ARHGEF1: variants seen among roughly 807,000 people sequenced by gnomAD.
The protein encoded by ARHGEF1 is 115 kDa guanine nucleotide exchange factor.
In ARHGEF1, 40 loss-of-function variants were observed where a neutral mutation model predicts 119.7. That is an observed-to-expected ratio of 0.33 (90% CI 0.26 to 0.44). ARHGEF1 has a LOEUF of 0.44. ARHGEF1 is among the 20% of genes least tolerant of loss of function. ARHGEF1 has a pLI of 1.00. For synonymous variants in ARHGEF1, 494 were observed against 521.0 expected (o/e 0.95, Z 0.71); for missense variants, 976 against 1,268.3 (o/e 0.77, Z 3.50).
At chr19:41,891,275 T>G (rs1335163059) in intron 4 of ARHGEF1, among the ~76,000 whole-genome samples, 1 of 152,102 alleles carries the variant, frequency 6.6e-6, no homozygotes, top group African/African-American at 2.4e-5. Context: ...TATGTGATTT[T>G]GGGTTTTATT....
rs1220638738 is a variant in ARHGEF1 at position 41,916,770 on chromosome 19, A to G, written c.1866-6322A>G. 6.6e-6 allele frequency among the ~76,000 whole-genome samples: 1 copy of G among 152,016 alleles called. No homozygotes were observed. The highest frequency in any genetic ancestry group is 1.5e-5 in the Non-Finnish European group (1 of 68,008). ...ACCCAGACAGCCAACGCACACGGCC[A>G]CACACACACCCATTCACAGACACAG... On this transcript the variant is annotated intron_variant, in intron 18 of 20. Transcript: ENST00000599589. The surrounding 1 kb of genome is among the most constrained non-coding windows in gnomAD (Gnocchi z 5.4).
At chr19:41,925,717 G>A (rs1299090265) in intron 1 of ARHGEF1, among the ~76,000 whole-genome samples, 3 of 152,116 alleles carry the variant, frequency 2.0e-5, no homozygotes, top group Admixed American at 6.5e-5. Context: ...AGACAGGTAC[G>A]GGGGAATCCT....
At chr19:41,908,048 C>G (rs1371701949), downstream of ARHGEF1, 1 of 450,896 alleles carries the variant, frequency 2.2e-6, no homozygotes, top group African/African-American at 2.0e-5. This position sits in a 1 kb window ranked among gnomAD's most constrained non-coding sequence, Gnocchi z 6.7. Flanking sequence ...TCCCTCTGTC[C>G]TCTGTGGAGG....
At chr19:41,921,018 G>A (rs1007411927), upstream of ARHGEF1, among the ~76,000 whole-genome samples, 2 of 152,358 alleles carry the variant, frequency 1.3e-5, no homozygotes, top group South Asian at 2.1e-4. This position sits in a 1 kb window ranked among gnomAD's most constrained non-coding sequence, Gnocchi z 4.4. Flanking sequence ...CTGGGGCTGC[G>A]GACAGCAGCG....
rs1475441826 is a variant in ARHGEF1, at chr19:41,905,566, GC to G, written c.2337-190del. 1 of 638,128 alleles carries G rather than the reference GC, an allele frequency of 1.6e-6. No homozygotes were observed. The highest frequency in any genetic ancestry group is 2.7e-6 in the Non-Finnish European group (1 of 369,470). 39.5% of individuals were successfully genotyped at this position (638,128 alleles called of 1,614,324 possible). Reference sequence around the variant, plus strand: ...GTGCGCATGTGCCGACCCCACCACTGCCCCGTCTGTCTCCTGTCTCCAGGCC... The same window carrying G: ...GTGCGCATGTGCCGACCCCACCACTGCCCGTCTGTCTCCTGTCTCCAGGCC... On this transcript the variant is annotated intron_variant, in intron 24 of 28. Transcript: ENST00000354532. The surrounding 1 kb of genome is among the most constrained non-coding windows in gnomAD (Gnocchi z 6.4).
chr19:41,921,971 C>T (rs908702242), upstream of ARHGEF1, among the ~76,000 whole-genome samples: 1 of 151,884 alleles, frequency 6.6e-6, no homozygotes, highest in Non-Finnish European at 1.5e-5. The surrounding 1 kb of genome is among the most constrained non-coding windows in gnomAD (Gnocchi z 4.4). Flanking sequence ...CAACTCCCAC[C>T]CCTTCCCCAC....
At chr19:41,918,261 ACCC>A (rs1200856058), upstream of ARHGEF1, among the ~76,000 whole-genome samples, 6 of 150,028 alleles carry the variant, frequency 4.0e-5, no homozygotes, top group African/African-American at 1.5e-4. Flanking sequence ...ATACATACAC[ACCC>A]CCACCACACA....
chr19:41,904,081 C>T lies in ARHGEF1; in HGVS notation c.1964C>T (p.Thr655Met), dbSNP rs201743928. The T allele has an allele frequency of 1.1e-5, 18 of 1,614,172 alleles. No homozygotes were observed. Among genetic ancestry groups the T allele is most frequent in the Middle Eastern group, 1.6e-4 (1 of 6,062 alleles). The change falls in exon 21 of 29, where the codon ACG becomes ATG. Residue 655 changes from threonine (T) to methionine (M), a missense_variant. Coordinates refer to ENST00000354532, the MANE Select transcript of ARHGEF1 (RefSeq NM_004706.4). This position sits in a 1 kb window ranked among gnomAD's most constrained non-coding sequence, Gnocchi z 8.4. ...KKKLVHEGPL[T>M]WRVTKDKAVE... is the part of the protein sequence containing the mutation. Reference sequence around the variant, plus strand: ...AAATTGGTCCACGAGGGCCCACTGACGTGGCGGGTGACTAAGGACAAGGCA... The same window carrying T: ...AAATTGGTCCACGAGGGCCCACTGATGTGGCGGGTGACTAAGGACAAGGCA...
In ARHGEF1 at chr19:41,906,744, T is replaced by A; in HGVS notation, c.2697T>A (p.Ser899=). The change falls in exon 28 of 29, where the codon TCT becomes TCA. Residue 899 remains serine, a synonymous_variant. Coordinates refer to ENST00000354532, the MANE Select transcript of ARHGEF1 (RefSeq NM_004706.4). The surrounding 1 kb of genome is among the most constrained non-coding windows in gnomAD (Gnocchi z 4.5). ...EEFCRLRPLL[S]QLGGNSVPQP... ...TTTGCCGCCTGAGACCCCTCCTGTC[T>A]CAGCTTGGGGGGAACTCTGTCCCCC... The A allele has an allele frequency of 6.2e-7, 1 of 1,611,752 alleles. No homozygotes were observed. Among genetic ancestry groups the A allele is most frequent in the Non-Finnish European group, 8.5e-7 (1 of 1,179,114 alleles).
At chr19:41,887,417 T>G (rs1264426640) in intron 1 of ARHGEF1, among the ~76,000 whole-genome samples, 1 of 152,012 alleles carries the variant, frequency 6.6e-6, no homozygotes, top group Non-Finnish European at 1.5e-5. Flanking sequence ...ACTTGGTTTC[T>G]GGGACTGGAA....
Position 41,891,929 on chromosome 19 carries a change from A to G in ARHGEF1, c.226-96A>G, listed in dbSNP as rs137886179. On this transcript the variant is annotated intron_variant, in intron 4 of 28. Coordinates refer to ENST00000354532, the MANE Select transcript of ARHGEF1 (RefSeq NM_004706.4). ...AGTGGCAGTTGAGTCCCACAGCCAT[A>G]GGATGGCCAGGAGGTGAGGAAGGCC... The G allele has an allele frequency of 6.3e-4, 656 of 1,046,858 alleles. 1 individual carries two copies. In the African/African-American group the frequency reaches 8.3e-3, roughly 13 times the overall value. 64.8% of individuals were successfully genotyped at this position (1,046,858 alleles called of 1,614,324 possible).
chr19:41,925,940 G>C (rs574695888), intron 1 of ARHGEF1, among the ~76,000 whole-genome samples: 111 of 152,158 alleles, frequency 7.3e-4, no homozygotes, highest in African/African-American at 2.5e-3. Context: ...CAGGTTAGCA[G>C]GTTGCATGTG....
upstream of ARHGEF1, among the ~76,000 whole-genome samples, chr19:41,918,423 A>C (rs923627362): frequency 6.1e-4 from 74 of 121,744 alleles, no homozygotes; most frequent in Non-Finnish European, 1.6e-4. Context: ...CCACACACAT[A>C]TCACACACAC....
downstream of ARHGEF1, chr19:41,909,367 A>T (rs2074740043): frequency 8.1e-7 from 1 of 1,235,876 alleles, no homozygotes; most frequent in Admixed American, 4.2e-5. This position sits in a 1 kb window ranked among gnomAD's most constrained non-coding sequence, Gnocchi z 5.2. Flanking sequence ...AGCTGCCGCC[A>T]TGTCCAGCAG....
At chr19:41,897,267 C>T in intron 13 of ARHGEF1, 3 of 1,281,318 alleles carry the variant, frequency 2.3e-6, no homozygotes, top group Non-Finnish European at 3.1e-6. Context: ...GGAGGTGGGT[C>T]AGGTTCCATC....
At chr19:41,920,007 A>ACTCACAGACATGACGCG (rs1342744692), upstream of ARHGEF1, among the ~76,000 whole-genome samples, 1 of 135,754 alleles carries the variant, frequency 7.4e-6, no homozygotes, top group Middle Eastern at 3.8e-3. Context: ...GACATGACGA[A>ACTCACAGACATGACGCG]CTCACAGACA....
Position 41,888,103 on chromosome 19 carries a change from G to A in ARHGEF1, c.21G>A (p.Gly7=), listed in dbSNP as rs2074322271. ...GGGAGATGGAAGACTTCGCCCGAGG[G>A]GCGGTGAGTGGACAGAGCAAGGGGT... MEDFAR[G]AASPGPSRPG... The change falls in exon 2 of 29, where the codon GGG becomes GGA. Residue 7 remains glycine (G), a synonymous_variant. Transcript: ENST00000354532. This position sits in a 1 kb window ranked among gnomAD's most constrained non-coding sequence, Gnocchi z 5.1. 6.2e-7 allele frequency: 1 copy of A among 1,613,940 alleles called. No homozygotes were observed. The highest frequency in any genetic ancestry group is 8.5e-7 in the Non-Finnish European group (1 of 1,180,008).
chr19:41,898,080 C>T (rs2074541867), intron 13 of ARHGEF1: 1 of 1,360,378 alleles, frequency 7.4e-7, no homozygotes, highest in Non-Finnish European at 9.4e-7. Flanking sequence ...CCCAGTTCCG[C>T]CACGGCAGTG....
At position 41,888,297 on chromosome 19, in the gene ARHGEF1, G is replaced by A. The variant is rs782020855; in HGVS notation, c.111+19G>A. On this transcript the variant is annotated intron_variant, in intron 3 of 28. Coordinates refer to ENST00000354532, the MANE Select transcript of ARHGEF1 (RefSeq NM_004706.4). This position sits in a 1 kb window ranked among gnomAD's most constrained non-coding sequence, Gnocchi z 5.1. ...GGAGACAGTGAGTGGGAGATAGGGTGGAAAAGCTCTGTCCCAGGCTCAGTG... is the reference window on the plus strand; with the variant it reads ...GGAGACAGTGAGTGGGAGATAGGGTAGAAAAGCTCTGTCCCAGGCTCAGTG... The A allele has an allele frequency of 6.2e-7, 1 of 1,612,230 alleles. No individual in the cohort carries two copies. Among genetic ancestry groups the A allele is most frequent in the Non-Finnish European group, 8.5e-7 (1 of 1,179,272 alleles).
Sources: gnomAD v4.1 joint callset for allele counts (sites outside exome capture counted in the v4.1 genomes callset) on GRCh38, gnomAD v4.1.1 for gene constraint, Gnocchi (gnomAD v3.1) non-coding constraint, MANE v1.5 for transcripts, NCBI Gene and HGNC (gene_info 2026-07-23, HGNC 2026-07-21) for gene names.